KANK1: variants seen among roughly 807,000 people sequenced by gnomAD.
KANK1 encodes KN motif and ankyrin repeat domain-containing protein 1.
KANK1 carries 109 observed loss-of-function variants against 106.2 expected under a neutral mutation model. That is an observed-to-expected ratio of 1.03 (90% CI 0.88 to 1.20). KANK1 has a LOEUF of 1.20. KANK1 is among the 50% of genes most tolerant of loss of function. The probability of loss-of-function intolerance (pLI) is 0.00; values close to 1 mark genes in which losing one functional copy is unlikely to be tolerated. For synonymous variants in KANK1, 873 were observed against 652.2 expected, an observed-to-expected ratio of 1.34 and a Z score of -5.16; for missense variants, 2,399 against 1,710.7, an observed-to-expected ratio of 1.40 and a Z score of -7.10.
At chr9:583,112 G>A (rs549967675) in intron 1 of KANK1, among the ~76,000 whole-genome samples, 36 of 152,280 alleles carry the variant, frequency 2.4e-4, no homozygotes, top group African/African-American at 8.2e-4. Flanking sequence ...TTTGTGGCTG[G>A]CAGAAATGGG....
intron 1 of KANK1, among the ~76,000 whole-genome samples, chr9:591,050 A>G (rs982029909): frequency 2.6e-5 from 4 of 151,828 alleles, no homozygotes; most frequent in African/African-American, 9.7e-5. Context: ...ACAGATGAAC[A>G]TCTTTTCATA....
At chr9:710,717 C>T (rs1005197392) in intron 2 of KANK1, 87 bp from the exon 3 acceptor site, 2 of 1,255,644 alleles carry the variant, frequency 1.6e-6, no homozygotes, top group Non-Finnish European at 2.2e-6. Flanking sequence ...ATCATACCAG[C>T]TTGCTGTACT....
chr9:657,860 C>T (rs1161640418), intron 1 of KANK1, among the ~76,000 whole-genome samples: 3 of 151,884 alleles, frequency 2.0e-5, no homozygotes, highest in Non-Finnish European at 4.4e-5. Flanking sequence ...TTCCATTTGG[C>T]ATGAGCCTTT....
chr9:608,036 T>TTTA (rs1829704424), intron 1 of KANK1, among the ~76,000 whole-genome samples: 1 of 134,758 alleles, frequency 7.4e-6, no homozygotes, highest in Admixed American at 7.2e-5. Context: ...TTATTATTAT[T>TTTA]TTTTTTTTTT....
chr9:547,693 C>T (rs758777930), intron 1 of KANK1, among the ~76,000 whole-genome samples: 1 of 151,882 alleles, frequency 6.6e-6, no homozygotes, highest in Non-Finnish European at 1.5e-5. Context: ...GAATTCTCTT[C>T]CTGCATGGTG....
intron 3 of KANK1, among the ~76,000 whole-genome samples, chr9:480,208 A>C (rs1185440913): frequency 6.6e-6 from 1 of 152,252 alleles, no homozygotes; most frequent in African/African-American, 2.4e-5. Flanking sequence ...GATAAGATCT[A>C]CTTAGGTCTA....
At chr9:568,955 T>A (rs1028656256) in intron 1 of KANK1, among the ~76,000 whole-genome samples, 1 of 152,186 alleles carries the variant, frequency 6.6e-6, no homozygotes, top group Non-Finnish European at 1.5e-5. Context: ...CGGGGTATAT[T>A]TGAGTATGTA....
chr9:564,664 A>C (rs571052867), intron 1 of KANK1, among the ~76,000 whole-genome samples: 3 of 152,278 alleles, frequency 2.0e-5, no homozygotes, highest in South Asian at 4.1e-4. Context: ...GTGTTCTCAT[A>C]ATCTGAGCAT....
At chr9:614,208 T>C (rs187839214) in intron 1 of KANK1, among the ~76,000 whole-genome samples, 4 of 152,304 alleles carry the variant, frequency 2.6e-5, no homozygotes, top group Admixed American at 2.0e-4. Context: ...TAATGGTGTA[T>C]TGATAAGGTA....
chr9:687,172 A>G (rs761262898), intron 2 of KANK1, among the ~76,000 whole-genome samples: 43 of 152,076 alleles, frequency 2.8e-4, no homozygotes, highest in Non-Finnish European at 4.4e-4. Context: ...GACCATACAG[A>G]TGTATTTGGC....
At chr9:525,347 A>G (rs943432192) in intron 1 of KANK1, among the ~76,000 whole-genome samples, 1 of 118,020 alleles carries the variant, frequency 8.5e-6, no homozygotes, top group Non-Finnish European at 1.6e-5. Flanking sequence ...ATATGTATAC[A>G]TACGTGTGTG....
chr9:735,961 C>T (rs567063180), intron 7 of KANK1, among the ~76,000 whole-genome samples: 1 of 152,136 alleles, frequency 6.6e-6, no homozygotes, highest in Non-Finnish European at 1.5e-5. Context: ...CACCTCTGCA[C>T]TCAAGCCTGG....
intron 2 of KANK1, among the ~76,000 whole-genome samples, chr9:695,129 T>C (rs1020421567): frequency 3.3e-5 from 5 of 152,110 alleles, no homozygotes; most frequent in Non-Finnish European, 7.3e-5. Flanking sequence ...CCTGTTCTTG[T>C]TTTATGAAAA....
chr9:599,383 C>T (rs989035519), intron 1 of KANK1, among the ~76,000 whole-genome samples: 4 of 151,754 alleles, frequency 2.6e-5, no homozygotes, highest in Middle Eastern at 3.4e-3. Context: ...AAGGTAAGAA[C>T]CCCACTATTC....
At chr9:689,368 C>A (rs1267704235) in intron 2 of KANK1, among the ~76,000 whole-genome samples, 3 of 152,126 alleles carry the variant, frequency 2.0e-5, no homozygotes, top group Non-Finnish European at 4.4e-5. Flanking sequence ...TTCCTAAAGT[C>A]ACTCTCCTGA....
chr9:602,006 C>G (rs992210116), intron 1 of KANK1, among the ~76,000 whole-genome samples: 1 of 151,728 alleles, frequency 6.6e-6, no homozygotes, highest in Non-Finnish European at 1.5e-5. Flanking sequence ...GTCTGAAACT[C>G]GTTTTTAACA....
intron 3 of KANK1, among the ~76,000 whole-genome samples, chr9:493,385 C>G (rs970925870): frequency 6.6e-5 from 10 of 152,116 alleles, no homozygotes; most frequent in East Asian, 3.9e-4. Flanking sequence ...ATCCACCAGC[C>G]CTGGTCAAGG....
intron 1 of KANK1, among the ~76,000 whole-genome samples, chr9:621,674 C>G (rs896848360): frequency 1.3e-5 from 2 of 152,050 alleles, no homozygotes; most frequent in African/African-American, 2.4e-5. Flanking sequence ...GTGAGTTCCT[C>G]TTTCCTTCGC....
At chr9:531,297 G>T (rs1486933009) in intron 1 of KANK1, among the ~76,000 whole-genome samples, 1 of 152,078 alleles carries the variant, frequency 6.6e-6, no homozygotes, top group East Asian at 1.9e-4. Flanking sequence ...CAGATGTGGT[G>T]GTGCGTGCCT....
Sources: gnomAD v4.1 joint callset for allele counts (sites outside exome capture counted in the v4.1 genomes callset) on GRCh38, gnomAD v4.1.1 for gene constraint, MANE v1.5 for transcripts, NCBI Gene and HGNC (gene_info 2026-07-23, HGNC 2026-07-21) for gene names.